Variants in COBLL1 observed in about 807,000 individuals in gnomAD.
COBLL1 encodes the protein cordon-bleu protein-like 1.
In COBLL1, 50 loss-of-function variants were observed where a neutral mutation model predicts 94.8. That is an observed-to-expected ratio of 0.53 (90% CI 0.42 to 0.67). The LOEUF is 0.67. Ranked by LOEUF, COBLL1 falls within the 30% of genes least tolerant of loss-of-function variation. The pLI, the probability that COBLL1 is intolerant of heterozygous loss-of-function variation, is 0.00. For synonymous variants in COBLL1, 448 were observed against 473.8 expected, an observed-to-expected ratio of 0.95 and a Z score of 0.71; for missense variants, 1,362 against 1,348.7, an observed-to-expected ratio of 1.01 and a Z score of -0.15.
At chr2:164,662,304 T>C (rs1691083607) in intron 2 of COBLL1, among the ~76,000 whole-genome samples, 2 of 152,134 alleles carry the variant, frequency 1.3e-5, no homozygotes, top group African/African-American at 4.8e-5. Context: ...CAGCCTTGCT[T>C]AGTAAAGCAT....
intron 2 of COBLL1, among the ~76,000 whole-genome samples, chr2:164,820,233 GT>G (rs1487462077): frequency 6.8e-6 from 1 of 147,800 alleles, no homozygotes; most frequent in African/African-American, 2.5e-5. Flanking sequence ...CCCCACTTTT[GT>G]TTTGAGACAA....
At chr2:164,663,714 T>C (rs148358818) in intron 2 of COBLL1, among the ~76,000 whole-genome samples, 51 of 152,292 alleles carry the variant, frequency 3.3e-4, no homozygotes, top group African/African-American at 1.2e-3. Flanking sequence ...AAATCAAATA[T>C]TGCATGTTTT....
In COBLL1 at chr2:164,665,345, AGAAAG is replaced by A. The variant is rs1558901886; in HGVS notation, n.181+497_181+501del. On this transcript the variant is annotated intron_variant and non_coding_transcript_variant, in intron 2 of 2. Transcript: ENST00000495084. ...GATTCTGTGTCAAAAAAAAAAAGAA[AGAAAG>A]AAAGAAAGAAAGAAAGAATGAATAG... is the stretch of plus-strand genomic sequence containing the variant. Among the ~76,000 whole-genome samples the A allele has an allele frequency of 2.5e-3, 360 of 143,186 alleles. 4 individuals carry two copies. Among genetic ancestry groups the A allele is most frequent in the African/African-American group, 9.2e-3 (344 of 37,512 alleles). The allele number at this position is 143,186 out of a possible 152,430, so 93.9% of individuals were successfully genotyped here.
intron 2 of COBLL1, among the ~76,000 whole-genome samples, chr2:164,812,778 A>G (rs187808080): frequency 6.6e-6 from 1 of 152,258 alleles, no homozygotes; most frequent in East Asian, 1.9e-4. Context: ...TAAAAATTAT[A>G]ACCCTGATTT....
At chr2:164,755,156 C>A (rs1343621727) in intron 2 of COBLL1, among the ~76,000 whole-genome samples, 1 of 152,088 alleles carries the variant, frequency 6.6e-6, no homozygotes, top group African/African-American at 2.4e-5. Context: ...CAAAGCAAGA[C>A]CCTGTCTGCA....
chr2:164,704,639 T>A, intron 8 of COBLL1, 121 bp from the exon 9 acceptor site: 1 of 807,260 alleles, frequency 1.2e-6, no homozygotes, highest in Non-Finnish European at 2.0e-6. Context: ...CATTTTACTA[T>A]CTAGCTGTAA....
intron 2 of COBLL1, among the ~76,000 whole-genome samples, chr2:164,748,914 A>T (rs1014708948): frequency 6.6e-6 from 1 of 152,180 alleles, no homozygotes; most frequent in Non-Finnish European, 1.5e-5. Flanking sequence ...GAATTAAGGC[A>T]AAATTTGCAT....
At chr2:164,686,899 G>A (rs1291184467) in intron 13 of COBLL1, among the ~76,000 whole-genome samples, 1 of 152,088 alleles carries the variant, frequency 6.6e-6, no homozygotes. Context: ...AGTACAAATG[G>A]CCACAGATTT....
chr2:164,754,303 GTCTCC>G (rs1306768707), intron 2 of COBLL1, among the ~76,000 whole-genome samples: 1 of 152,178 alleles, frequency 6.6e-6, no homozygotes, highest in Non-Finnish European at 1.5e-5. Flanking sequence ...TCCTTGTGCA[GTCTCC>G]TCCCTTTGTA....
intron 7 of COBLL1, among the ~76,000 whole-genome samples, chr2:164,715,135 A>G (rs1685099076): frequency 6.6e-6 from 1 of 152,166 alleles, no homozygotes; most frequent in South Asian, 2.1e-4. Flanking sequence ...TGCTTTTGTT[A>G]TTGTGATTAT....
chr2:164,789,210 C>T (rs1683047654), intron 2 of COBLL1, among the ~76,000 whole-genome samples: 1 of 151,962 alleles, frequency 6.6e-6, no homozygotes, highest in South Asian at 2.1e-4. Flanking sequence ...AACAAAAACA[C>T]ATTAAGATAG....
intron 2 of COBLL1, among the ~76,000 whole-genome samples, chr2:164,774,561 C>T (rs914037742): frequency 2.0e-5 from 3 of 152,200 alleles, no homozygotes; most frequent in Non-Finnish European, 4.4e-5. Context: ...TGTCCCATTA[C>T]TTTCACTGAC....
chr2:164,660,046 T>G (rs1691045198), intron 2 of COBLL1, among the ~76,000 whole-genome samples: 1 of 152,210 alleles, frequency 6.6e-6, no homozygotes, highest in South Asian at 2.1e-4. Flanking sequence ...AATAAGTGAC[T>G]ACCACATGGC....
Position 164,796,068 on chromosome 2 carries a change from G to T in COBLL1, c.41+45088C>A, listed in dbSNP as rs146324894. Reference sequence around the variant, plus strand: ...ACTTAACTTAAATCTATGTTGCCTAGATCTTGCTTTTCCATATACAAGGAT... The same window carrying T: ...ACTTAACTTAAATCTATGTTGCCTATATCTTGCTTTTCCATATACAAGGAT... On this transcript the variant is annotated intron_variant, in intron 2 of 13. Transcript: ENST00000652658. 3.4e-4 allele frequency among the ~76,000 whole-genome samples: 51 copies of T among 152,202 alleles called. 1 individual carries two copies. In the East Asian group the frequency reaches 9.3e-3, roughly 28 times the overall value.
chr2:164,758,799 AATT>A (rs1428862605), intron 2 of COBLL1, among the ~76,000 whole-genome samples: 3 of 152,160 alleles, frequency 2.0e-5, no homozygotes, highest in Non-Finnish European at 4.4e-5. Context: ...AAAAAGGTTA[AATT>A]ATTATTCAAA....
Position 164,785,787 on chromosome 2 carries a change from A to G in COBLL1, c.42-41912T>C, listed in dbSNP as rs529611701. Among the ~76,000 whole-genome samples the G allele has an allele frequency of 1.3e-4, 19 of 149,726 alleles. 1 individual carries two copies. The South Asian group carries it at 3.0e-3, about 23-fold the overall frequency. On this transcript the variant is annotated intron_variant, in intron 2 of 13. Transcript: ENST00000652658. ...AGTCCAAGAAAGGAAAGAAAGAAAG[A>G]AAAAAAAAAGACATCAGAGGCTTAT...
At chr2:164,756,445 C>A (rs1381442881) in intron 2 of COBLL1, among the ~76,000 whole-genome samples, 1 of 151,866 alleles carries the variant, frequency 6.6e-6, no homozygotes, top group Non-Finnish European at 1.5e-5. Context: ...ATTCCAAAAC[C>A]CTGGTTTCTA....
chr2:164,779,650 G>A, intron 2 of COBLL1: 1 of 470,780 alleles, frequency 2.1e-6, no homozygotes, highest in Non-Finnish European at 4.4e-6. Flanking sequence ...AGGCAGGACG[G>A]TCACCTTACG....
rs1349130850 is a variant in COBLL1 at position 164,682,287 on chromosome 2, C to G, written c.*3659G>C. ...TTGACCCTGGAAATCTTCACTATGA[C>G]CTCTAATTGCAAGTTCTTTTCTTTC... On this transcript the variant is annotated 3_prime_UTR_variant, in exon 14 of 14. Coordinates refer to ENST00000652658, the MANE Select transcript of COBLL1 (RefSeq NM_001365672.2). 6.6e-6 allele frequency: 1 copy of G among 152,106 alleles called. No individual in the cohort carries two copies. The highest frequency in any genetic ancestry group is 1.5e-5 in the Non-Finnish European group (1 of 68,008). 9.4% of individuals were successfully genotyped at this position (152,106 alleles called of 1,614,324 possible). A position where few individuals can be genotyped will look rare whatever the true frequency, so the allele number is the denominator to read the frequency against.
Sources: gnomAD v4.1 joint callset for allele counts (sites outside exome capture counted in the v4.1 genomes callset) on GRCh38, gnomAD v4.1.1 for gene constraint, MANE v1.5 for transcripts, NCBI Gene and HGNC (gene_info 2026-07-23, HGNC 2026-07-21) for gene names.